GRID1: variants seen among roughly 807,000 people sequenced by gnomAD.
GRID1 encodes glutamate ionotropic receptor delta type subunit 1.
In GRID1, 28 loss-of-function variants were observed where a neutral mutation model predicts 98.0. That is an observed-to-expected ratio of 0.29 (90% CI 0.21 to 0.39). The LOEUF is 0.39. Among genes scored for constraint, GRID1 ranks in the 10% least tolerant of loss-of-function variants. The probability of loss-of-function intolerance (pLI) is 1.00; values close to 1 mark genes in which losing one functional copy is unlikely to be tolerated. For synonymous variants in GRID1, 553 were observed against 538.5 expected, an observed-to-expected ratio of 1.03 and a Z score of -0.37; for missense variants, 1,111 against 1,340.5, an observed-to-expected ratio of 0.83 and a Z score of 2.67.
intron 4 of GRID1, among the ~76,000 whole-genome samples, chr10:86,099,627 C>T (rs1257333510): frequency 6.6e-6 from 1 of 152,216 alleles, no homozygotes; most frequent in African/African-American, 2.4e-5. Context: ...TGAAATGACT[C>T]TCATAAATTT....
intron 7 of GRID1, 131 bp from the exon 8 acceptor site, chr10:85,854,746 A>G: frequency 1.2e-6 from 1 of 827,408 alleles, no homozygotes; most frequent in Non-Finnish European, 2.0e-6. Context: ...ACAGGCTGTA[A>G]TGAGGACAAG....
intron 5 of GRID1, among the ~76,000 whole-genome samples, chr10:85,890,351 C>A (rs1432653373): frequency 6.6e-6 from 1 of 151,890 alleles, no homozygotes; most frequent in Non-Finnish European, 1.5e-5. Context: ...TGCTCATTAC[C>A]CTGATTTGAT....
chr10:86,039,251 A>C (rs12256782), intron 4 of GRID1, among the ~76,000 whole-genome samples: 40,117 of 151,946 alleles, frequency 0.26, 5,911 homozygotes, highest in African/African-American at 0.39. Flanking sequence ...TCAACCTTGG[A>C]AGTTCTGGAG....
At chr10:85,757,569 G>C (rs184219454) in intron 8 of GRID1, among the ~76,000 whole-genome samples, 296 of 152,364 alleles carry the variant, frequency 1.9e-3, no homozygotes, top group Middle Eastern at 0.01. Context: ...TTAAGGGAAA[G>C]TGGGAAGAAG....
At chr10:86,126,654 C>T (rs1483139583) in intron 4 of GRID1, among the ~76,000 whole-genome samples, 2 of 152,196 alleles carry the variant, frequency 1.3e-5, no homozygotes, top group African/African-American at 4.8e-5. Flanking sequence ...CAAGCCTTAT[C>T]AGCCCTGCCA....
chr10:86,182,857 G>A (rs1301601128), intron 3 of GRID1, among the ~76,000 whole-genome samples: 1 of 152,140 alleles, frequency 6.6e-6, no homozygotes, highest in African/African-American at 2.4e-5. Flanking sequence ...GACCATAAGG[G>A]ATATGCGATT....
intron 2 of GRID1, among the ~76,000 whole-genome samples, chr10:86,352,466 G>C (rs1848476437): frequency 6.6e-6 from 1 of 152,218 alleles, no homozygotes; most frequent in African/African-American, 2.4e-5. Flanking sequence ...AGATCAGGGT[G>C]CCAGCATGGT....
intron 12 of GRID1, among the ~76,000 whole-genome samples, chr10:85,667,744 A>G (rs1215197543): frequency 6.6e-6 from 1 of 152,186 alleles, no homozygotes; most frequent in African/African-American, 2.4e-5. Context: ...GTGGTCAAGA[A>G]AAACTTTGTG....
intron 3 of GRID1, among the ~76,000 whole-genome samples, chr10:86,141,097 G>A (rs1845004467): frequency 6.6e-6 from 1 of 152,116 alleles, no homozygotes; most frequent in Non-Finnish European, 1.5e-5. Context: ...GTGTCAGACA[G>A]GAAGGAGAGC....
chr10:86,353,388 G>A (rs1231726487), intron 2 of GRID1, among the ~76,000 whole-genome samples: 1 of 152,268 alleles, frequency 6.6e-6, no homozygotes, highest in Non-Finnish European at 1.5e-5. Context: ...CAGCATGGGT[G>A]TCTGCAACAG....
Position 86,052,726 on chromosome 10 carries a change from CTG to C in GRID1, c.726+86091_726+86092del, listed in dbSNP as rs554825762. On this transcript the variant is annotated intron_variant, in intron 4 of 15. Coordinates refer to ENST00000327946, the MANE Select transcript of GRID1 (RefSeq NM_017551.3). ...GAAGAATGGGAAAGGGAGTCAAACT[CTG>C]TGGAACTAAAGCAAAGTGCTAGAGG... Among the ~76,000 whole-genome samples the C allele has an allele frequency of 5.0e-4, 76 of 152,168 alleles. 1 individual carries two copies. Among genetic ancestry groups the C allele is most frequent in the Non-Finnish European group, 8.7e-4 (59 of 68,024 alleles).
intron 5 of GRID1, among the ~76,000 whole-genome samples, chr10:85,872,776 G>C (rs956040623): frequency 1.1e-4 from 16 of 152,176 alleles, no homozygotes; most frequent in African/African-American, 3.6e-4. Flanking sequence ...GTGAGGGTCT[G>C]CAGGTACCTT....
chr10:85,736,337 G>A (rs536345815), intron 8 of GRID1, among the ~76,000 whole-genome samples: 50 of 152,136 alleles, frequency 3.3e-4, no homozygotes, highest in African/African-American at 1.2e-3. Flanking sequence ...AAGGAAAAAA[G>A]GAAGGAATGA....
intron 4 of GRID1, among the ~76,000 whole-genome samples, chr10:85,927,874 T>C (rs960381344): frequency 2.0e-5 from 3 of 152,002 alleles, no homozygotes; most frequent in African/African-American, 7.3e-5. Flanking sequence ...ATTTTAAAAA[T>C]TTGCTGAAAA....
At chr10:85,736,053 AGAAGGAAGGAGAGAGG>A (rs1352629748) in intron 8 of GRID1, among the ~76,000 whole-genome samples, 4 of 116,478 alleles carry the variant, frequency 3.4e-5, no homozygotes, top group Non-Finnish European at 7.1e-5. Flanking sequence ...GAGAAAGGAA[AGAAGGAAGGAGAGAGG>A]GAAGGAAGGA....
At chr10:86,288,752 G>A (rs573902834) in intron 2 of GRID1, among the ~76,000 whole-genome samples, 3 of 152,342 alleles carry the variant, frequency 2.0e-5, no homozygotes, top group Admixed American at 6.5e-5. Context: ...GTGGGTGGCC[G>A]TCACCTCTTC....
At chr10:85,662,416 G>A (rs1296505976) in intron 12 of GRID1, among the ~76,000 whole-genome samples, 2 of 152,192 alleles carry the variant, frequency 1.3e-5, no homozygotes, top group Non-Finnish European at 2.9e-5. Context: ...AGGATAGGGG[G>A]CTTCAGGGAC....
At chr10:85,897,941 C>T (rs960493752) in intron 5 of GRID1, among the ~76,000 whole-genome samples, 2 of 152,136 alleles carry the variant, frequency 1.3e-5, no homozygotes, top group African/African-American at 2.4e-5. Context: ...ATAAGTTCAA[C>T]TTTTTTGGAT....
At chr10:86,019,409 C>A (rs1004521180) in intron 4 of GRID1, among the ~76,000 whole-genome samples, 12 of 152,214 alleles carry the variant, frequency 7.9e-5, no homozygotes, top group Non-Finnish European at 1.6e-4. Flanking sequence ...CCATAGTGCC[C>A]CCATCAGGGA....
Sources: gnomAD v4.1 joint callset for allele counts (sites outside exome capture counted in the v4.1 genomes callset) on GRCh38, gnomAD v4.1.1 for gene constraint, MANE v1.5 for transcripts, NCBI Gene and HGNC (gene_info 2026-07-23, HGNC 2026-07-21) for gene names.